ECT2: variants seen among roughly 807,000 people sequenced by gnomAD.
The protein encoded by ECT2 is epithelial cell transforming 2, also known as protein ECT2.
A neutral mutation model predicts 116.9 loss-of-function variants in ECT2; 61 were observed. That is an observed-to-expected ratio of 0.52 (90% confidence interval 0.42 to 0.65). ECT2 has a LOEUF of 0.65. Among genes scored for constraint, ECT2 ranks in the 30% least tolerant of loss-of-function variants. The pLI is 0.00. For missense variants in ECT2, 937 were observed against 1,078.7 expected, an observed-to-expected ratio of 0.87 and a Z score of 1.84; for synonymous variants, 358 against 346.4, an observed-to-expected ratio of 1.03 and a Z score of -0.37.
At chr3:172,815,830 G>A in intron 23 of ECT2, 119 bp downstream of exon 23, 1 of 684,572 alleles carries the variant, frequency 1.5e-6, no homozygotes, top group Non-Finnish European at 2.5e-6. Context: ...CTGTTCTTCG[G>A]TTCTAGGAAA....
chr3:172,751,980 A>G (rs1047364847), intron 1 of ECT2, among the ~76,000 whole-genome samples: 2 of 152,198 alleles, frequency 1.3e-5, no homozygotes, highest in Non-Finnish European at 1.5e-5. Context: ...GATCATATAC[A>G]GTATCATCAG....
chr3:172,759,493 G>A (rs1376435248), intron 6 of ECT2, among the ~76,000 whole-genome samples: 3 of 152,080 alleles, frequency 2.0e-5, no homozygotes, highest in East Asian at 1.9e-4. Context: ...CCAGGCTGGA[G>A]TGCAGTGGCG....
chr3:172,829,068 ACT>A, the ECT2 span: 1 of 709,918 alleles, frequency 1.4e-6, no homozygotes, highest in Admixed American at 1.8e-5. Flanking sequence ...GTTTAGATGA[ACT>A]CTCTGGGCTA....
Position 172,765,028 on chromosome 3 carries a change from A to C in ECT2, c.1291+528A>C, listed in dbSNP as rs76176857. ...CTAGATTTAAGAAACAAAAAAAATC[A>C]AAATCTCCTCCGGACCTCATGACAC... On this transcript the variant is annotated intron_variant, in intron 12 of 24. Transcript: ENST00000392692. Among the ~76,000 whole-genome samples the C allele has an allele frequency of 4.8e-3, 727 of 152,338 alleles. 7 individuals carry two copies. Among genetic ancestry groups the C allele is most frequent in the African/African-American group, 0.016 (682 of 41,578 alleles).
downstream of ECT2, among the ~76,000 whole-genome samples, chr3:172,824,336 C>T (rs958774025): frequency 1.3e-5 from 2 of 152,136 alleles, no homozygotes; most frequent in African/African-American, 4.8e-5. Flanking sequence ...ACAATCATGG[C>T]AGAAGGTGAA....
chr3:172,774,667 A>G (rs1009294652), intron 14 of ECT2, among the ~76,000 whole-genome samples: 5 of 151,308 alleles, frequency 3.3e-5, no homozygotes, highest in Admixed American at 6.6e-5. Flanking sequence ...TAATTTTTTT[A>G]AAAAAGTTTT....
Position 172,764,509 on chromosome 3 carries a change from C to T in ECT2, c.1291+9C>T. 1 of 1,607,726 alleles carries T rather than the reference C, an allele frequency of 6.2e-7. No homozygotes were observed. Among genetic ancestry groups the T allele is most frequent in the Non-Finnish European group, 8.5e-7 (1 of 1,174,598 alleles). Reference sequence around the variant, plus strand: ...TAGCATTAACTATGGAGGTAATTCACATTCTTAAAAACTTGTCTTTAAAGT... The same window carrying T: ...TAGCATTAACTATGGAGGTAATTCATATTCTTAAAAACTTGTCTTTAAAGT... On this transcript the variant is annotated intron_variant, in intron 12 of 24. Coordinates refer to ENST00000392692, the MANE Select transcript of ECT2 (RefSeq NM_001258315.2).
At chr3:172,788,232 ACACAG>A (rs1723958861) in intron 18 of ECT2, among the ~76,000 whole-genome samples, 2 of 152,250 alleles carry the variant, frequency 1.3e-5, no homozygotes, top group African/African-American at 4.8e-5. Context: ...GGAAATAATG[ACACAG>A]CACCAGTTCA....
intron 11 of ECT2, 128 bp from the exon 12 acceptor site, chr3:172,764,150 G>C: frequency 1.3e-6 from 1 of 753,886 alleles, no homozygotes; most frequent in Non-Finnish European, 2.1e-6. Context: ...TTGCCTGGTA[G>C]AGTGTAGGGT....
At position 172,764,358 on chromosome 3, in the gene ECT2, A is replaced by G; in HGVS notation, c.1149A>G (p.Leu383=). The change falls in exon 12 of 25, where the codon TTA becomes TTG. Residue 383 remains leucine, a synonymous_variant. Coordinates refer to ENST00000392692, the MANE Select transcript of ECT2 (RefSeq NM_001258315.2). ...ACAGCAATCGCAAACGACGTCGTTT[A>G]AAAGAAACACTTGCTCAGCTTTCAA... ...TPNSNRKRRR[L]KETLAQLSRE... The G allele has an allele frequency of 6.2e-7, 1 of 1,614,172 alleles. No individual in the cohort carries two copies. Among genetic ancestry groups the G allele is most frequent in the Non-Finnish European group, 8.5e-7 (1 of 1,180,012 alleles).
chr3:172,770,476 G>A (rs979657461), intron 13 of ECT2, among the ~76,000 whole-genome samples: 6 of 152,008 alleles, frequency 3.9e-5, no homozygotes, highest in Admixed American at 3.9e-4. Flanking sequence ...AAAGATTGTG[G>A]CCTAAATTCA....
At chr3:172,815,052 A>G (rs1462348228) in intron 22 of ECT2, among the ~76,000 whole-genome samples, 1 of 152,168 alleles carries the variant, frequency 6.6e-6, no homozygotes, top group African/African-American at 2.4e-5. Context: ...TCCTTTGGGA[A>G]TGTGATACAA....
At chr3:172,791,404 CCTT>C (rs1410309713) in intron 18 of ECT2, among the ~76,000 whole-genome samples, 2 of 152,166 alleles carry the variant, frequency 1.3e-5, no homozygotes, top group South Asian at 2.1e-4. Context: ...CTAGAAAGCA[CCTT>C]CTTCTACTGG....
intron 6 of ECT2, among the ~76,000 whole-genome samples, chr3:172,759,749 GTTCT>G (rs1448917139): frequency 6.6e-6 from 1 of 152,058 alleles, no homozygotes; most frequent in Non-Finnish European, 1.5e-5. Context: ...CGGCCAGAAA[GTTCT>G]TTCTTTGGTT....
chr3:172,759,229 G>T (rs1470263639), intron 6 of ECT2, among the ~76,000 whole-genome samples, 160 bp downstream of exon 6: 1 of 152,060 alleles, frequency 6.6e-6, no homozygotes, highest in Non-Finnish European at 1.5e-5. Flanking sequence ...AACAAATCCT[G>T]AAGAGCCTTA....
At chr3:172,816,612 T>G in intron 23 of ECT2, 79 bp from the exon 24 acceptor site, 1 of 1,291,594 alleles carries the variant, frequency 7.7e-7, no homozygotes, top group Non-Finnish European at 1.0e-6. Context: ...TGCCATATAT[T>G]TGGCTTTTTT....
chr3:172,756,779 T>A (rs960986207), intron 4 of ECT2, among the ~76,000 whole-genome samples: 1 of 152,200 alleles, frequency 6.6e-6, no homozygotes, highest in African/African-American at 2.4e-5. Context: ...AATGGAGATA[T>A]GTATATGTAA....
At chr3:172,757,386 T>C (rs1717199833) in intron 5 of ECT2, among the ~76,000 whole-genome samples, 2 of 151,548 alleles carry the variant, frequency 1.3e-5, no homozygotes, top group South Asian at 2.1e-4. Context: ...TAACTGTACA[T>C]ATGCATATAC....
chr3:172,772,408 G>C (rs1344100589), intron 13 of ECT2, among the ~76,000 whole-genome samples: 1 of 152,148 alleles, frequency 6.6e-6, no homozygotes, highest in Admixed American at 6.5e-5. Flanking sequence ...ATCTTAGGCA[G>C]AATGATCTTG....
Sources: allele counts gnomAD v4.1 joint callset (sites outside exome capture counted in the v4.1 genomes callset), GRCh38; gene constraint gnomAD v4.1.1; transcripts MANE v1.5; gene names NCBI Gene and HGNC (gene_info 2026-07-23, HGNC 2026-07-21).